The following EVPLL variants were observed in gnomAD, a reference collection of about 807,000 sequenced individuals.
EVPLL encodes the protein envoplakin-like protein.
A neutral mutation model predicts 46.2 loss-of-function variants in EVPLL; 39 were observed. The ratio of observed to expected loss-of-function variants is 0.84; its 90% confidence interval spans 0.65 to 1.10. The LOEUF is 1.10. Ranked by LOEUF, EVPLL falls within the 50% of genes least tolerant of loss-of-function variation. The probability of loss-of-function intolerance (pLI) is 0.00; values close to 1 mark genes in which losing one functional copy is unlikely to be tolerated. For synonymous variants in EVPLL, 156 were observed against 165.8 expected (o/e 0.94, Z 0.46); for missense variants, 385 against 412.6 (o/e 0.93, Z 0.58).
chr17:18,383,364 G>T lies in EVPLL; in HGVS notation c.766G>T (p.Val256Leu), dbSNP rs1399209814. ...KRMVELRHPA[V>L]GPIQAHQEAL... Reference sequence around the variant, plus strand: ...CATGGTGGAGCTGCGGCACCCCGCGGTGGGGCCCATCCAGGTGCGCTGGGG... The same window carrying T: ...CATGGTGGAGCTGCGGCACCCCGCGTTGGGGCCCATCCAGGTGCGCTGGGG... Residue 256 changes from valine to leucine, a missense_variant, in exon 8 of 11, where the codon GTG becomes TTG. Val to Leu is a conservative substitution (Grantham distance 32). Transcript: ENST00000399134. 4 of 1,600,502 alleles carry T rather than the reference G, an allele frequency of 2.5e-6. No individual in the cohort carries two copies. Among genetic ancestry groups the T allele is most frequent in the Non-Finnish European group, 3.4e-6 (4 of 1,174,766 alleles).
Position 18,381,362 on chromosome 17 carries a change from C to T in EVPLL, c.64-5C>T, listed in dbSNP as rs1251179932. The T allele has an allele frequency of 5.2e-6, 8 of 1,551,742 alleles. No homozygotes were observed. The highest frequency in any genetic ancestry group is 1.2e-5 in the South Asian group (1 of 85,150). ...CTGGCAAGTCTGCCCATCCCCTGCC[C>T]ACAGGACCGGCTGAACAGTGAGCAG... On this transcript the variant is annotated splice_polypyrimidine_tract_variant and splice_region_variant and intron_variant, in intron 2 of 10. Transcript: ENST00000399134. The surrounding 1 kb of genome is among the most constrained non-coding windows in gnomAD (Gnocchi z 4.2).
chr17:18,384,383 C>G (rs528604482), intron 9 of EVPLL, among the ~76,000 whole-genome samples: 1 of 151,870 alleles, frequency 6.6e-6, no homozygotes, highest in Admixed American at 6.6e-5. Context: ...CTGCAGTGAG[C>G]CATGATCACA....
chr17:18,387,647 T>C lies in EVPLL; in HGVS notation c.877-572T>C, dbSNP rs140390569. 3.3e-5 allele frequency among the ~76,000 whole-genome samples: 5 copies of C among 152,104 alleles called. No individual in the cohort carries two copies. In the East Asian group the frequency reaches 9.7e-4, roughly 29 times the overall value. ...AGTAGGAGGGGGGCTTCATCTGGAT[T>C]GTGGGCCATAGTTTGCCCACCCCTG... On this transcript the variant is annotated intron_variant, in intron 9 of 10. Transcript: ENST00000399134.
In EVPLL at chr17:18,381,846, G is replaced by A; in HGVS notation, c.346+116G>A. ...GTGTATAGTGGTGTCTCAGGGGTCT[G>A]GGCAGGGAGACAGCAGAGGAGACAG... On this transcript the variant is annotated intron_variant, in intron 4 of 10. Coordinates refer to ENST00000399134, the MANE Select transcript of EVPLL (RefSeq NM_001145127.2). This position sits in a 1 kb window ranked among gnomAD's most constrained non-coding sequence, Gnocchi z 4.2. The A allele has an allele frequency of 6.6e-6, 10 of 1,516,486 alleles. No individual in the cohort carries two copies. Among genetic ancestry groups the A allele is most frequent in the Non-Finnish European group, 9.0e-6 (10 of 1,115,476 alleles). The allele number at this position is 1,516,486 out of a possible 1,614,324, so 93.9% of individuals were successfully genotyped here.
intron 1 of EVPLL, among the ~76,000 whole-genome samples, chr17:18,378,414 G>T (rs1330980081): frequency 6.6e-6 from 1 of 152,028 alleles, no homozygotes; most frequent in Non-Finnish European, 1.5e-5. Flanking sequence ...GACTGAGGGG[G>T]TGGGGTGGGA....
chr17:18,378,567 T>G (rs1318931918), intron 1 of EVPLL, among the ~76,000 whole-genome samples: 1 of 152,080 alleles, frequency 6.6e-6, no homozygotes, highest in Non-Finnish European at 1.5e-5. Context: ...ATCCCTGACT[T>G]TAGGAGGCCA....
intron 4 of EVPLL, chr17:18,382,279 C>T (rs1411780242): frequency 4.4e-6 from 2 of 450,806 alleles, no homozygotes; most frequent in African/African-American, 2.0e-5. Flanking sequence ...CTGAGCCCAG[C>T]GTCTGGGAAC....
In EVPLL at chr17:18,381,409, CA is replaced by C. The variant is rs771088953; in HGVS notation, c.107del (p.Gln36ArgfsTer7). 95 of 1,601,628 alleles carry C rather than the reference CA, an allele frequency of 5.9e-5. No individual in the cohort carries two copies. The highest frequency in any genetic ancestry group is 2.1e-4 in the Admixed American group (12 of 58,278). On this transcript the variant is annotated frameshift_variant, in exon 3 of 11. Coordinates refer to ENST00000399134, the MANE Select transcript of EVPLL (RefSeq NM_001145127.2). LOFTEE classifies it high-confidence loss of function. This position sits in a 1 kb window ranked among gnomAD's most constrained non-coding sequence, Gnocchi z 4.2. ...GCAGAGCCAGGCCCTGCAGCACCAG[CA>C]GGAGACGGGCAGCAGCCTGAAGGAG... ...SEQSQALQHQQETGSSLKEAE... is the reference protein window; with the variant it reads ...SEQSQALQHQXETGSSLKEAE...
intron 9 of EVPLL, 161 bp downstream of exon 9, chr17:18,383,748 C>T (rs1987681691): frequency 7.7e-6 from 5 of 649,402 alleles, no homozygotes; most frequent in African/African-American, 5.5e-5. Context: ...TGAGGCTGGC[C>T]GATCACTTGA....
intron 9 of EVPLL, chr17:18,383,855 C>T (rs536957068): frequency 4.7e-6 from 2 of 422,126 alleles, no homozygotes; most frequent in African/African-American, 2.0e-5. Context: ...CGCCTGTAAT[C>T]CCAGCTACTC....
chr17:18,382,137 G>C (rs1476512434), intron 4 of EVPLL: 3 of 349,774 alleles, frequency 8.6e-6, no homozygotes, highest in Non-Finnish European at 1.6e-5. Flanking sequence ...CATGACAATA[G>C]AGGAACAGTG....
Position 18,377,941 on chromosome 17 carries a change from C to T in EVPLL, c.-79C>T. 1 of 1,097,198 alleles carries T rather than the reference C, an allele frequency of 9.1e-7. No individual in the cohort carries two copies. Among genetic ancestry groups the T allele is most frequent in the East Asian group, 3.2e-5 (1 of 31,134 alleles). The allele number at this position is 1,097,198 out of a possible 1,614,324, so 68.0% of individuals were successfully genotyped here. A position where few individuals can be genotyped will look rare whatever the true frequency, so the allele number is the denominator to read the frequency against. On this transcript the variant is annotated 5_prime_UTR_variant, in exon 1 of 11. Coordinates refer to ENST00000399134, the MANE Select transcript of EVPLL (RefSeq NM_001145127.2). ...GGGAAGGGGTCCCCCAAGGACTCCC[C>T]AGCCAAGGGGTCCCCCAAAGGCTCC...
Position 18,377,922 on chromosome 17 carries a change from G to A in EVPLL, c.-98G>A. 1 of 1,131,140 alleles carries A rather than the reference G, an allele frequency of 8.8e-7. No homozygotes were observed. Among genetic ancestry groups the A allele is most frequent in the East Asian group, 3.1e-5 (1 of 32,282 alleles). The allele number at this position is 1,131,140 out of a possible 1,614,324, so 70.1% of individuals were successfully genotyped here. A position where few individuals can be genotyped will look rare whatever the true frequency, so the allele number is the denominator to read the frequency against. ...ACTGAGCAAAGGCTCCCAGGGGAAG[G>A]GGTCCCCCAAGGACTCCCCAGCCAA... On this transcript the variant is annotated 5_prime_UTR_variant, in exon 1 of 11. Transcript: ENST00000399134.
Position 18,383,093 on chromosome 17 carries a change from C to G in EVPLL, c.580C>G (p.Leu194Val), listed in dbSNP as rs1425792962. Residue 194 changes from leucine (L) to valine (V), a missense_variant, in exon 7 of 11, where the codon CTG becomes GTG. Physicochemically the swap from Leu to Val is conservative, Grantham distance 32. Coordinates refer to ENST00000399134, the MANE Select transcript of EVPLL (RefSeq NM_001145127.2). ...VHALQGCTWQ[L>V]SALAEQQRRI... ...CGCACTGCAGGGCTGCACGTGGCAG[C>G]TGAGCGCCCTGGCGGAGCAGCAGCG... The G allele has an allele frequency of 9.7e-6, 15 of 1,551,110 alleles. No homozygotes were observed. The highest frequency in any genetic ancestry group is 1.2e-5 in the Non-Finnish European group (14 of 1,154,872).
rs1199018741 is a variant in EVPLL, at chr17:18,377,967, C to G, written c.-53C>G. On this transcript the variant is annotated 5_prime_UTR_variant, in exon 1 of 11. Transcript: ENST00000399134. ...AGCCAAGGGGTCCCCCAAAGGCTCC[C>G]CCAGCAAGCACAGCTGGTGAGTGGG... 9.9e-6 allele frequency: 10 copies of G among 1,006,822 alleles called. No homozygotes were observed. The highest frequency in any genetic ancestry group is 1.4e-6 in the Non-Finnish European group (1 of 718,614). The allele number at this position is 1,006,822 out of a possible 1,614,324, so 62.4% of individuals were successfully genotyped here. A position where few individuals can be genotyped will look rare whatever the true frequency, so the allele number is the denominator to read the frequency against.
intron 9 of EVPLL, chr17:18,386,388 T>C (rs1438064114): frequency 2.6e-5 from 4 of 150,998 alleles, no homozygotes; most frequent in African/African-American, 9.8e-5. Flanking sequence ...GACATCAACA[T>C]AGGAATTTCA....
Position 18,383,140 on chromosome 17 carries a change from G to C in EVPLL, c.627G>C (p.Trp209Cys), listed in dbSNP as rs182498101. Residue 209 changes from tryptophan (W) to cysteine (C), a missense_variant, in exon 7 of 11, where the codon TGG becomes TGC. Trp to Cys is a radical substitution (Grantham distance 215). Transcript: ENST00000399134. ...EQQRRILQQD[W>C]SDLMADPAGV... is the part of the protein sequence containing the mutation. ...AGCGCCGCATCCTGCAGCAGGACTG[G>C]AGCGACCTCATGGCCGACCCTGCGG... 1.6e-5 allele frequency: 25 copies of C among 1,551,938 alleles called. No individual in the cohort carries two copies. The African/African-American group carries it at 3.0e-4, about 19-fold the overall frequency.
chr17:18,383,475 C>G lies in EVPLL; in HGVS notation c.781-17C>G, dbSNP rs530462456. 8 of 1,559,390 alleles carry G rather than the reference C, an allele frequency of 5.1e-6. No individual in the cohort carries two copies. In the African/African-American group the frequency reaches 6.8e-5, roughly 13 times the overall value. ...GGGGCGGGGCGTGGTCCGAGGGCTCCGTGCTGCGGTACCCAGGCCCACCAG... is the reference window on the plus strand; with the variant it reads ...GGGGCGGGGCGTGGTCCGAGGGCTCGGTGCTGCGGTACCCAGGCCCACCAG... On this transcript the variant is annotated splice_polypyrimidine_tract_variant and intron_variant, in intron 8 of 10. Transcript: ENST00000399134.
At chr17:18,387,930 C>T in intron 9 of EVPLL, 1 of 139,490 alleles carries the variant, frequency 7.2e-6, no homozygotes. Flanking sequence ...GGGAGGATTG[C>T]TTGAGCCTGG....
Sources: gnomAD v4.1 joint callset for allele counts (sites outside exome capture counted in the v4.1 genomes callset) on GRCh38, gnomAD v4.1.1 for gene constraint, Gnocchi (gnomAD v3.1) non-coding constraint, MANE v1.5 for transcripts, NCBI Gene and HGNC (gene_info 2026-07-23, HGNC 2026-07-21) for gene names.